The following SMG7 variants were observed in gnomAD, a reference collection of about 807,000 sequenced individuals.
The protein encoded by SMG7 is SMG7 nonsense mediated mRNA decay factor.
In SMG7, 34 loss-of-function variants were observed where a neutral mutation model predicts 148.2. The ratio of observed to expected loss-of-function variants is 0.23; its 90% CI spans 0.17 to 0.31. SMG7 has a LOEUF of 0.31. Ranked by LOEUF, SMG7 falls within the 10% of genes least tolerant of loss-of-function variation. SMG7 has a pLI of 1.00. For synonymous variants in SMG7, 492 were observed against 515.1 expected (o/e 0.96, Z 0.61); for missense variants, 1,114 against 1,408.4 (o/e 0.79, Z 3.35).
chr1:183,528,147 T>C (rs1666217752), intron 6 of SMG7, 120 bp downstream of exon 6: 2 of 588,746 alleles, frequency 3.4e-6, no homozygotes, highest in Admixed American at 7.3e-5. Context: ...TTTGTTATTG[T>C]CATGTTTTTC....
chr1:183,510,165 G>A (rs912426499), intron 1 of SMG7, among the ~76,000 whole-genome samples: 1 of 152,106 alleles, frequency 6.6e-6, no homozygotes, highest in Non-Finnish European at 1.5e-5. Flanking sequence ...GCATAGTAAA[G>A]TATATCCTTT....
chr1:183,498,789 A>G (rs2102292639), intron 1 of SMG7, among the ~76,000 whole-genome samples: 1 of 152,330 alleles, frequency 6.6e-6, no homozygotes, highest in South Asian at 2.1e-4. Context: ...TTTACATTAT[A>G]GTTCACTCTT....
At position 183,549,259 on chromosome 1, in the gene SMG7, C is replaced by T. The variant is rs147521967; in HGVS notation, c.2944C>T (p.Leu982=). 451 of 1,613,644 alleles carry T rather than the reference C, an allele frequency of 2.8e-4. 2 individuals carry two copies. The African/African-American group carries it at 4.7e-3, about 17-fold the overall frequency. The part of the protein sequence containing the change: ...SELMSHSSSF[L]SLTGFSLNQE... Reference sequence around the variant, plus strand: ...GCTCATGTCACATTCATCCTCTTTCCTGTCCCTCACCGGATTCTCTCTCAA... The same window carrying T: ...GCTCATGTCACATTCATCCTCTTTCTTGTCCCTCACCGGATTCTCTCTCAA... The change falls in exon 19 of 23, where the codon CTG becomes TTG. Residue 982 remains leucine (L), a synonymous_variant. Coordinates refer to ENST00000688051, the MANE Select transcript of SMG7 (RefSeq NM_001375584.1).
At chr1:183,511,251 G>A (rs1307501606) in intron 1 of SMG7, among the ~76,000 whole-genome samples, 3 of 152,102 alleles carry the variant, frequency 2.0e-5, no homozygotes, top group Non-Finnish European at 4.4e-5. Flanking sequence ...TGTGTGCAAG[G>A]TGCTGTGCTA....
rs757787584 is a variant in SMG7 at position 183,553,608 on chromosome 1, G to GGCCCCCCCCCC, written c.*1677_*1678insGCCCCCCCCCC. On this transcript the variant is annotated 3_prime_UTR_variant, in exon 23 of 23. Coordinates refer to ENST00000688051, the MANE Select transcript of SMG7 (RefSeq NM_001375584.1). ...TTGCTCTTCAGAGAGAGTGGTTGGA[G>GGCCCCCCCCCC]CCCCCCCCGCCCCGTATGCTTACAT... 1.6e-5 allele frequency: 2 copies of GGCCCCCCCCCC among 128,298 alleles called. No individual in the cohort carries two copies. Among genetic ancestry groups the GGCCCCCCCCCC allele is most frequent in the East Asian group, 2.8e-4 (1 of 3,614 alleles). The allele number at this position is 128,298 out of a possible 1,614,324, so 7.9% of individuals were successfully genotyped here. A position where few individuals can be genotyped will look rare whatever the true frequency, so the allele number is the denominator to read the frequency against.
intron 1 of SMG7, among the ~76,000 whole-genome samples, chr1:183,479,690 C>T (rs953846394): frequency 1.3e-5 from 2 of 151,950 alleles, no homozygotes; most frequent in African/African-American, 4.8e-5. Flanking sequence ...GCACAATTAC[C>T]GGGGTTATGC....
chr1:183,472,739 G>A, intron 1 of SMG7, 90 bp downstream of exon 1: 1 of 1,199,132 alleles, frequency 8.3e-7, no homozygotes, highest in East Asian at 3.0e-5. Context: ...CCGGGGTGGC[G>A]GGGGAGTTGC....
Position 183,527,243 on chromosome 1 carries a change from T to C in SMG7, c.484+476T>C, listed in dbSNP as rs1666041267. 6.6e-6 allele frequency among the ~76,000 whole-genome samples: 1 copy of C among 152,258 alleles called. No homozygotes were observed. The highest frequency in any genetic ancestry group is 2.4e-5 in the African/African-American group (1 of 41,466). ...ATTTGCATTTTATCTGGGAATATTATATAACTTATTTATTCTTGTTCATTC... is the reference window on the plus strand; with the variant it reads ...ATTTGCATTTTATCTGGGAATATTACATAACTTATTTATTCTTGTTCATTC... On this transcript the variant is annotated intron_variant, in intron 5 of 22. Coordinates refer to ENST00000688051, the MANE Select transcript of SMG7 (RefSeq NM_001375584.1). This position sits in a 1 kb window ranked among gnomAD's most constrained non-coding sequence, Gnocchi z 4.0.
In SMG7 at chr1:183,550,839, T is replaced by G; in HGVS notation, c.3222T>G (p.Val1074=). 1 of 1,614,100 alleles carries G rather than the reference T, an allele frequency of 6.2e-7. No homozygotes were observed. Among genetic ancestry groups the G allele is most frequent in the East Asian group, 2.2e-5 (1 of 44,880 alleles). ...SSPPTHNHNS[V]PFSNFGPIGT... is the part of the protein sequence containing the mutation. ...CTCCAACACACAACCATAATTCTGT[T>G]CCATTCTCCAATTTTGGACCCATTG... Residue 1074 remains valine (V), a synonymous_variant, in exon 21 of 23, where the codon GTT becomes GTG. Coordinates refer to ENST00000688051, the MANE Select transcript of SMG7 (RefSeq NM_001375584.1).
chr1:183,529,114 T>G, intron 7 of SMG7, 72 bp downstream of exon 7: 1 of 1,449,626 alleles, frequency 6.9e-7, no homozygotes, highest in East Asian at 2.3e-5. Flanking sequence ...TCCTCATAAT[T>G]TGGTTTACAG....
intron 1 of SMG7, among the ~76,000 whole-genome samples, chr1:183,505,032 A>T (rs1660588372): frequency 6.7e-6 from 1 of 149,168 alleles, no homozygotes. Context: ...TATATTTTAT[A>T]TTTCTCCTTC....
intron 8 of SMG7, among the ~76,000 whole-genome samples, chr1:183,532,256 A>G (rs1278813495): frequency 1.3e-5 from 2 of 152,190 alleles, no homozygotes; most frequent in Non-Finnish European, 2.9e-5. Context: ...GTTTTCCGCC[A>G]TAATGCTAGT....
chr1:183,524,343 A>C lies in SMG7; in HGVS notation c.313-2253A>C, dbSNP rs1447927010. On this transcript the variant is annotated intron_variant, in intron 4 of 22. Coordinates refer to ENST00000688051, the MANE Select transcript of SMG7 (RefSeq NM_001375584.1). ...GCTTTGCTGTCCAGGCTGGTCTTGAACTCCTGACCTCAAGTGATCCTTCCG... is the reference window on the plus strand; with the variant it reads ...GCTTTGCTGTCCAGGCTGGTCTTGACCTCCTGACCTCAAGTGATCCTTCCG... 2.6e-5 allele frequency among the ~76,000 whole-genome samples: 4 copies of C among 151,414 alleles called. No individual in the cohort carries two copies. In the East Asian group the frequency reaches 5.9e-4, roughly 22 times the overall value.
At chr1:183,480,595 T>C (rs1653831134) in intron 1 of SMG7, among the ~76,000 whole-genome samples, 1 of 152,156 alleles carries the variant, frequency 6.6e-6, no homozygotes, top group Non-Finnish European at 1.5e-5. Context: ...TGGGCCATGC[T>C]ATATCCCAGG....
At chr1:183,541,977 A>G in intron 13 of SMG7, 99 bp from the exon 14 acceptor site, 2 of 975,710 alleles carry the variant, frequency 2.0e-6, no homozygotes, top group Non-Finnish European at 3.0e-6. Context: ...TTTCATGGTT[A>G]TTAGTGCTAG....
At chr1:183,523,201 T>C (rs1665141142) in intron 4 of SMG7, among the ~76,000 whole-genome samples, 1 of 152,158 alleles carries the variant, frequency 6.6e-6, no homozygotes, top group African/African-American at 2.4e-5. Flanking sequence ...TAATATTCTA[T>C]ACCTTCATAA....
Position 183,477,452 on chromosome 1 carries a change from A to ATG in SMG7, c.29+4808_29+4809dup, listed in dbSNP as rs1553230458. Among the ~76,000 whole-genome samples, 402 of 147,596 alleles carry ATG rather than the reference A, an allele frequency of 2.7e-3. 1 individual carries two copies. Among genetic ancestry groups the ATG allele is most frequent in the East Asian group, 6.8e-3 (33 of 4,872 alleles). On this transcript the variant is annotated intron_variant, in intron 1 of 22. Coordinates refer to ENST00000688051, the MANE Select transcript of SMG7 (RefSeq NM_001375584.1). ...CATATGTGTATATATACATATATAC[A>ATG]TGTGTGCATATGTGTATATATGCAT...
chr1:183,549,177 C>T, intron 18 of SMG7, 31 bp from the exon 19 acceptor site: 2 of 1,516,664 alleles, frequency 1.3e-6, no homozygotes, highest in Non-Finnish European at 1.8e-6. Flanking sequence ...GAAGGTATAA[C>T]TTAATTACCT....
intron 10 of SMG7, among the ~76,000 whole-genome samples, chr1:183,535,585 CT>C (rs1667617821): frequency 6.6e-6 from 1 of 152,052 alleles, no homozygotes; most frequent in African/African-American, 2.4e-5. Context: ...ATGACTGTTT[CT>C]TTTGTGAACT....
Sources: allele counts gnomAD v4.1 joint callset (sites outside exome capture counted in the v4.1 genomes callset), GRCh38; gene constraint gnomAD v4.1.1; non-coding constraint Gnocchi (gnomAD v3.1); transcripts MANE v1.5; gene names NCBI Gene and HGNC (gene_info 2026-07-23, HGNC 2026-07-21).